MERTK: variants seen among roughly 807,000 people sequenced by gnomAD.
The protein encoded by MERTK is tyrosine-protein kinase Mer.
Under a neutral mutation model 99.3 loss-of-function variants are expected in MERTK, and 69 were observed. That is an observed-to-expected ratio of 0.70 (90% confidence interval 0.57 to 0.85). The LOEUF (loss-of-function observed/expected upper bound fraction) is 0.85, where lower values mean the gene tolerates loss of function less well. MERTK is among the 40% of genes least tolerant of loss of function. The probability of loss-of-function intolerance (pLI) is 0.00; values close to 1 mark genes in which losing one functional copy is unlikely to be tolerated. For synonymous variants in MERTK, 426 were observed against 467.6 expected (o/e 0.91, Z 1.15); for missense variants, 1,125 against 1,249.4 (o/e 0.90, Z 1.50).
At chr2:111,995,821 G>T (rs775820554) in intron 9 of MERTK, among the ~76,000 whole-genome samples, 16 of 152,134 alleles carry the variant, frequency 1.1e-4, no homozygotes, top group African/African-American at 3.6e-4. Flanking sequence ...TTAGCAGGGT[G>T]TGGTGGCATG....
intron 4 of MERTK, among the ~76,000 whole-genome samples, chr2:111,954,195 C>T (rs906325343): frequency 2.6e-5 from 4 of 152,192 alleles, no homozygotes; most frequent in East Asian, 1.9e-4. Context: ...CCACGGTCTC[C>T]GCCTGCCTCA....
At chr2:111,900,548 C>T (rs1415162800) in intron 1 of MERTK, among the ~76,000 whole-genome samples, 1 of 152,202 alleles carries the variant, frequency 6.6e-6, no homozygotes, top group Non-Finnish European at 1.5e-5. Flanking sequence ...GTGTTAAATA[C>T]TTAAAAATTG....
chr2:111,905,751 G>C (rs1042326707), intron 1 of MERTK, among the ~76,000 whole-genome samples: 1 of 151,972 alleles, frequency 6.6e-6, no homozygotes, highest in Non-Finnish European at 1.5e-5. Context: ...TTATAGGCGT[G>C]AGCCACCGTG....
chr2:111,951,332 C>T lies in MERTK; in HGVS notation c.757+3765C>T, dbSNP rs1186869686. On this transcript the variant is annotated intron_variant, in intron 4 of 18. Coordinates refer to ENST00000295408, the MANE Select transcript of MERTK (RefSeq NM_006343.3). The stretch of plus-strand genomic sequence containing the variant: ...CAAGTCCTCACCCACCTCCACCCAC[C>T]CTTTTAAACCACGGTTCTATTCTTT... 3.3e-5 allele frequency among the ~76,000 whole-genome samples: 5 copies of T among 151,728 alleles called. No individual in the cohort carries two copies. In the East Asian group the frequency reaches 9.6e-4, roughly 29 times the overall value.
intron 6 of MERTK, among the ~76,000 whole-genome samples, chr2:111,970,200 A>G (rs183026529): frequency 0.017 from 2,536 of 150,650 alleles, 37 homozygotes; most frequent in Admixed American, 0.056. Flanking sequence ...TCTGTTACCT[A>G]GGCTGGAGTG....
chr2:111,921,327 C>T (rs1223047859), intron 1 of MERTK, among the ~76,000 whole-genome samples: 3 of 152,040 alleles, frequency 2.0e-5, no homozygotes, highest in African/African-American at 7.2e-5. Context: ...TGGTGAAACT[C>T]GGTCTTTACT....
intron 1 of MERTK, among the ~76,000 whole-genome samples, chr2:111,903,958 T>C (rs1001908184): frequency 4.6e-5 from 7 of 152,226 alleles, no homozygotes; most frequent in Admixed American, 3.9e-4. Flanking sequence ...TCTTTTCTTA[T>C]TGAAGTGTAT....
chr2:111,949,884 A>C (rs533856405), intron 4 of MERTK, among the ~76,000 whole-genome samples: 31 of 152,344 alleles, frequency 2.0e-4, no homozygotes, highest in African/African-American at 7.2e-4. Context: ...TCTTCCACTC[A>C]ACATGATATC....
At chr2:111,948,480 G>A (rs1684998668) in intron 4 of MERTK, among the ~76,000 whole-genome samples, 1 of 152,130 alleles carries the variant, frequency 6.6e-6, no homozygotes, top group African/African-American at 2.4e-5. Context: ...CTGAGTTGCA[G>A]GCTCATGTAT....
In MERTK at chr2:112,014,078, G is replaced by C. The variant is rs1487519872; in HGVS notation, c.2079+4012G>C. ...GCTCTGTCGCCCAGGCTGGAGTGCA[G>C]TGGCGTGATCTCAGCTCACTGCAAG... On this transcript the variant is annotated intron_variant, in intron 15 of 18. Coordinates refer to ENST00000295408, the MANE Select transcript of MERTK (RefSeq NM_006343.3). Among the ~76,000 whole-genome samples the C allele has an allele frequency of 6.7e-5, 10 of 148,730 alleles. No homozygotes were observed. In the East Asian group the frequency reaches 1.8e-3, roughly 26 times the overall value.
intron 6 of MERTK, among the ~76,000 whole-genome samples, chr2:111,971,331 AT>A (rs1676115658): frequency 6.7e-6 from 1 of 149,910 alleles, no homozygotes; most frequent in Non-Finnish European, 1.5e-5. Flanking sequence ...TTCTGCCTTA[AT>A]TTTTGTTTCT....
At chr2:111,918,820 A>G (rs1684402271) in intron 1 of MERTK, among the ~76,000 whole-genome samples, 1 of 151,910 alleles carries the variant, frequency 6.6e-6, no homozygotes, top group Admixed American at 6.6e-5. Context: ...GCAATATTCC[A>G]CTCTTATCTT....
At chr2:111,903,967 A>G (rs529782456) in intron 1 of MERTK, among the ~76,000 whole-genome samples, 18 of 152,274 alleles carry the variant, frequency 1.2e-4, no homozygotes, top group South Asian at 6.2e-4. Context: ...ATTGAAGTGT[A>G]TCCTGAATGG....
chr2:111,982,017 T>C (rs1010269740), intron 7 of MERTK, among the ~76,000 whole-genome samples: 1 of 151,958 alleles, frequency 6.6e-6, no homozygotes, highest in Non-Finnish European at 1.5e-5. Context: ...TTCCCTGCCT[T>C]CTTCTTCTTT....
chr2:111,906,604 G>A (rs1377434820), intron 1 of MERTK, among the ~76,000 whole-genome samples: 2 of 152,318 alleles, frequency 1.3e-5, no homozygotes, highest in Admixed American at 1.3e-4. Context: ...GTGCCTGGAG[G>A]CCAGTTTTTC....
intron 4 of MERTK, among the ~76,000 whole-genome samples, chr2:111,964,596 A>G (rs746204237): frequency 2.4e-4 from 36 of 152,136 alleles, no homozygotes; most frequent in African/African-American, 8.5e-4. Flanking sequence ...TAATAAATCA[A>G]TTTTTTAAAG....
chr2:111,948,742 G>A (rs998587379), intron 4 of MERTK, among the ~76,000 whole-genome samples: 1 of 152,072 alleles, frequency 6.6e-6, no homozygotes, highest in African/African-American at 2.4e-5. Flanking sequence ...GCCAGCTCTT[G>A]CTGTCGCCTC....
intron 17 of MERTK, 41 bp from the exon 18 acceptor site, chr2:112,022,217 G>A: frequency 6.2e-7 from 1 of 1,614,086 alleles, no homozygotes; most frequent in South Asian, 1.1e-5. Context: ...CAGGCTTTGT[G>A]GAAAGGCTTG....
chr2:111,975,565 T>G, intron 7 of MERTK, 93 bp downstream of exon 7: 1 of 1,391,796 alleles, frequency 7.2e-7, no homozygotes, highest in African/African-American at 1.4e-5. Flanking sequence ...GAAACTTTGC[T>G]TTGTTTGGAC....
Sources: gnomAD v4.1 joint callset for allele counts (sites outside exome capture counted in the v4.1 genomes callset) on GRCh38, gnomAD v4.1.1 for gene constraint, MANE v1.5 for transcripts, NCBI Gene and HGNC (gene_info 2026-07-23, HGNC 2026-07-21) for gene names.